The following F2 variants were observed in gnomAD, a reference collection of about 807,000 sequenced individuals.
The protein encoded by F2 is prothrombin.
F2 carries 34 observed loss-of-function variants against 81.9 expected under a neutral mutation model. The ratio of observed to expected loss-of-function variants is 0.42; its 90% CI spans 0.32 to 0.55. The LOEUF is 0.55. F2 is among the 20% of genes least tolerant of loss of function. F2 has a pLI of 0.18. For missense variants in F2, 630 were observed against 833.4 expected (o/e 0.76, Z 3.00); for synonymous variants, 296 against 326.4 (o/e 0.91, Z 1.01).
chr11:46,734,479 A>T (rs1282977182), intron 12 of F2, among the ~76,000 whole-genome samples: 1 of 152,090 alleles, frequency 6.6e-6, no homozygotes, highest in Non-Finnish European at 1.5e-5. Context: ...CAAATTTATC[A>T]ATCATTTATT....
rs1420097627 is a variant in F2 at position 46,723,910 on chromosome 11, T to C, written c.559+392T>C. Among the ~76,000 whole-genome samples the C allele has an allele frequency of 6.6e-6, 1 of 151,702 alleles. No homozygotes were observed. Among genetic ancestry groups the C allele is most frequent in the Non-Finnish European group, 1.5e-5 (1 of 67,894 alleles). ...TGTCTCAAAGAAAAAAAAAAGATGCTGGCCACCTTCAGAGCTGGCGTCAGT... is the reference window on the plus strand; with the variant it reads ...TGTCTCAAAGAAAAAAAAAAGATGCCGGCCACCTTCAGAGCTGGCGTCAGT... On this transcript the variant is annotated intron_variant, in intron 6 of 13. Coordinates refer to ENST00000311907, the MANE Select transcript of F2 (RefSeq NM_000506.5). The surrounding 1 kb of genome is among the most constrained non-coding windows in gnomAD (Gnocchi z 5.6).
intron 12 of F2, among the ~76,000 whole-genome samples, chr11:46,738,075 G>A (rs1251135880): frequency 1.3e-5 from 2 of 151,912 alleles, no homozygotes; most frequent in East Asian, 3.9e-4. Flanking sequence ...CCGGCTCACT[G>A]CAACCTCCAC....
chr11:46,732,479 C>T (rs2064919687), intron 12 of F2, among the ~76,000 whole-genome samples: 1 of 151,600 alleles, frequency 6.6e-6, no homozygotes, highest in South Asian at 2.1e-4. Context: ...CTCACTGCAA[C>T]GTCCTCCTCC....
In F2 at chr11:46,726,653, G is replaced by A. The variant is rs746522137; in HGVS notation, c.1003+27G>A. 6.2e-6 allele frequency: 10 copies of A among 1,613,576 alleles called. No homozygotes were observed. In the South Asian group the frequency reaches 1.1e-4, roughly 18 times the overall value. The stretch of plus-strand genomic sequence containing the variant: ...TGAGGTAGTGGGCATCCGAGGGGAT[G>A]CGGGGCTGCGGGGCTGGTGGCCAGG... On this transcript the variant is annotated intron_variant, in intron 8 of 13. Coordinates refer to ENST00000311907, the MANE Select transcript of F2 (RefSeq NM_000506.5). This position sits in a 1 kb window ranked among gnomAD's most constrained non-coding sequence, Gnocchi z 5.9.
Position 46,739,245 on chromosome 11 carries a change from A to C in F2, c.1726-20A>C, listed in dbSNP as rs187327360. ...GACCTTGAACTTGACTCTATTGGAA[A>C]CCTCATCTTTCTTCTTCAGAGCCCC... On this transcript the variant is annotated intron_variant, in intron 13 of 13. Coordinates refer to ENST00000311907, the MANE Select transcript of F2 (RefSeq NM_000506.5). 26 of 1,613,400 alleles carry C rather than the reference A, an allele frequency of 1.6e-5. No individual in the cohort carries two copies. The Admixed American group carries it at 3.3e-4, about 21-fold the overall frequency.
Position 46,728,077 on chromosome 11 carries a change from C to T in F2, c.1212C>T (p.Ala404=), listed in dbSNP as rs148544390. 48 of 1,610,624 alleles carry T rather than the reference C, an allele frequency of 3.0e-5. No individual in the cohort carries two copies. The African/African-American group carries it at 4.1e-4, about 14-fold the overall frequency. The change falls in exon 10 of 14, where the codon GCC becomes GCT. Residue 404 remains alanine, a synonymous_variant. Coordinates refer to ENST00000311907, the MANE Select transcript of F2 (RefSeq NM_000506.5). This position sits in a 1 kb window ranked among gnomAD's most constrained non-coding sequence, Gnocchi z 5.1. Reference sequence around the variant, plus strand: ...TCAGTGACCGCTGGGTCCTCACCGCCGCCCACTGCCTCCTGTACCCGCCCT... The same window carrying T: ...TCAGTGACCGCTGGGTCCTCACCGCTGCCCACTGCCTCCTGTACCCGCCCT... ...SLISDRWVLT[A]AHCLLYPPWD... is the part of the protein sequence containing the mutation.
chr11:46,725,291 A>G (rs1464005811), intron 6 of F2, among the ~76,000 whole-genome samples: 1 of 149,774 alleles, frequency 6.7e-6, no homozygotes, highest in Non-Finnish European at 1.5e-5. Context: ...CTGATCTTGA[A>G]CTCCTGACCT....
rs780841061 is a variant in F2 at position 46,723,263 on chromosome 11, A to C, written c.400A>C (p.Ser134Arg). The C allele has an allele frequency of 6.2e-6, 10 of 1,613,900 alleles. No individual in the cohort carries two copies. The Admixed American group carries it at 1.7e-4, about 27-fold the overall frequency. ...RSGIECQLWR[S>R]RYPHKPEINS... Reference sequence around the variant, plus strand: ...AGGCATTGAGTGCCAGCTATGGAGGAGTCGCTACCCACATAAGCCTGAGTG... The same window carrying C: ...AGGCATTGAGTGCCAGCTATGGAGGCGTCGCTACCCACATAAGCCTGAGTG... The change falls in exon 5 of 14, where the codon AGT becomes CGT. Residue 134 changes from serine to arginine, a missense_variant. Transcript: ENST00000311907. The surrounding 1 kb of genome is among the most constrained non-coding windows in gnomAD (Gnocchi z 5.6).
At position 46,723,102 on chromosome 11, in the gene F2, TG is replaced by T; in HGVS notation, c.317-73del. 1 of 1,214,196 alleles carries T rather than the reference TG, an allele frequency of 8.2e-7. No individual in the cohort carries two copies. The highest frequency in any genetic ancestry group is 1.2e-6 in the Non-Finnish European group (1 of 815,884). The allele number at this position is 1,214,196 out of a possible 1,614,324, so 75.2% of individuals were successfully genotyped here. ...TTGTGGACCTGCATGAGCTGGGAGG[TG>T]GGGGATAGACAACTTTGCAGGGAGA... On this transcript the variant is annotated intron_variant, in intron 4 of 13. Transcript: ENST00000311907. The surrounding 1 kb of genome is among the most constrained non-coding windows in gnomAD (Gnocchi z 5.6).
Position 46,719,324 on chromosome 11 carries a change from T to C in F2, c.79+10T>C, listed in dbSNP as rs372560648. On this transcript the variant is annotated intron_variant, in intron 1 of 13. Transcript: ENST00000311907. This position sits in a 1 kb window ranked among gnomAD's most constrained non-coding sequence, Gnocchi z 4.7. ...GTGCACAGCCAGCATGGTAAGGGAG[T>C]GCTTGCAGGCTGGAACAGGCTGGAG... 7.3e-5 allele frequency: 117 copies of C among 1,610,708 alleles called. No individual in the cohort carries two copies. The highest frequency in any genetic ancestry group is 9.8e-5 in the Non-Finnish European group (116 of 1,178,838).
intron 12 of F2, among the ~76,000 whole-genome samples, chr11:46,732,491 A>G (rs1182107336): frequency 6.6e-6 from 1 of 150,896 alleles, no homozygotes; most frequent in Non-Finnish European, 1.5e-5. Context: ...TCCTCCTCCC[A>G]GGTTCAAGCA....
intron 12 of F2, 121 bp downstream of exon 12, chr11:46,729,682 C>T: frequency 9.0e-7 from 1 of 1,112,830 alleles, no homozygotes; most frequent in Non-Finnish European, 1.3e-6. Context: ...GGCTCAGTTT[C>T]TTCCTCTGTA....
Position 46,728,650 on chromosome 11 carries a change from TG to T in F2, c.1299-10del. ...ACCTGCAGCTTCTCCATTTCTTTCTTGGGGTCTCTGCAGGTACGAGCGAAAC... is the reference window on the plus strand; with the variant it reads ...ACCTGCAGCTTCTCCATTTCTTTCTTGGGTCTCTGCAGGTACGAGCGAAAC... On this transcript the variant is annotated splice_polypyrimidine_tract_variant and intron_variant, in intron 10 of 13. Coordinates refer to ENST00000311907, the MANE Select transcript of F2 (RefSeq NM_000506.5). The surrounding 1 kb of genome is among the most constrained non-coding windows in gnomAD (Gnocchi z 5.1). 1 of 1,613,646 alleles carries T rather than the reference TG, an allele frequency of 6.2e-7. No individual in the cohort carries two copies. The highest frequency in any genetic ancestry group is 1.7e-4 in the Middle Eastern group (1 of 6,054).
chr11:46,729,715 C>T (rs1322140817), intron 12 of F2, among the ~76,000 whole-genome samples, 154 bp downstream of exon 12: 27 of 152,066 alleles, frequency 1.8e-4, no homozygotes, highest in Non-Finnish European at 1.5e-5. Flanking sequence ...AAGTCTCTAT[C>T]CCATAAGGTT....
At chr11:46,739,181 G>A (rs567959934) in intron 13 of F2, 63 bp downstream of exon 13, 1 of 1,613,604 alleles carries the variant, frequency 6.2e-7, no homozygotes, top group African/African-American at 1.3e-5. Context: ...AGAAACTCTA[G>A]TATCTAGAAA....
chr11:46,728,229 C>G lies in F2; in HGVS notation c.1298+66C>G, dbSNP rs1337260810. ...AGTCCTCCAAAGCGATCATGAGGGG[C>G]CCTGGTGGCTCCGGGACACATAGGA... On this transcript the variant is annotated intron_variant, in intron 10 of 13. Coordinates refer to ENST00000311907, the MANE Select transcript of F2 (RefSeq NM_000506.5). This position sits in a 1 kb window ranked among gnomAD's most constrained non-coding sequence, Gnocchi z 5.1. 6.6e-7 allele frequency: 1 copy of G among 1,519,828 alleles called. No homozygotes were observed. The highest frequency in any genetic ancestry group is 9.0e-7 in the Non-Finnish European group (1 of 1,112,026). 94.1% of individuals were successfully genotyped at this position (1,519,828 alleles called of 1,614,324 possible). A position where few individuals can be genotyped will look rare whatever the true frequency, so the allele number is the denominator to read the frequency against.
intron 3 of F2, 81 bp downstream of exon 3, chr11:46,720,628 T>TG: frequency 6.4e-7 from 1 of 1,567,392 alleles, no homozygotes; most frequent in Non-Finnish European, 8.8e-7. Flanking sequence ...AATCTTCTGC[T>TG]GCACCTAGCC....
Position 46,739,250 on chromosome 11 carries a change from A to T in F2, c.1726-15A>T. On this transcript the variant is annotated splice_polypyrimidine_tract_variant and intron_variant, in intron 13 of 13. Transcript: ENST00000311907. ...TGAACTTGACTCTATTGGAAACCTCATCTTTCTTCTTCAGAGCCCCTTTAA... is the reference window on the plus strand; with the variant it reads ...TGAACTTGACTCTATTGGAAACCTCTTCTTTCTTCTTCAGAGCCCCTTTAA... 6.2e-7 allele frequency: 1 copy of T among 1,613,712 alleles called. No homozygotes were observed. Among genetic ancestry groups the T allele is most frequent in the Non-Finnish European group, 8.5e-7 (1 of 1,179,584 alleles).
Position 46,728,858 on chromosome 11 carries a change from T to G in F2, c.1472+21T>G, listed in dbSNP as rs2064893041. ...GCCAGGTGGGCCACCAGATGCTTGTTAGCTGAGGGGCAGAAGCCAAGTTCT... is the reference window on the plus strand; with the variant it reads ...GCCAGGTGGGCCACCAGATGCTTGTGAGCTGAGGGGCAGAAGCCAAGTTCT... On this transcript the variant is annotated intron_variant, in intron 11 of 13. Transcript: ENST00000311907. The surrounding 1 kb of genome is among the most constrained non-coding windows in gnomAD (Gnocchi z 5.1). 1 of 1,612,314 alleles carries G rather than the reference T, an allele frequency of 6.2e-7. No homozygotes were observed. Among genetic ancestry groups the G allele is most frequent in the African/African-American group, 1.3e-5 (1 of 74,906 alleles).
Sources: gnomAD v4.1 joint callset for allele counts (sites outside exome capture counted in the v4.1 genomes callset) on GRCh38, gnomAD v4.1.1 for gene constraint, Gnocchi (gnomAD v3.1) non-coding constraint, MANE v1.5 for transcripts, NCBI Gene and HGNC (gene_info 2026-07-23, HGNC 2026-07-21) for gene names.